Variants in GABRB2 observed in about 807,000 individuals in gnomAD.
GABRB2 encodes the protein gamma-aminobutyric acid type A receptor subunit beta2.
In GABRB2, 16 loss-of-function variants were observed where a neutral mutation model predicts 54.7. The ratio of observed to expected loss-of-function variants is 0.29; its 90% confidence interval spans 0.20 to 0.44. GABRB2 has a LOEUF of 0.44. GABRB2 is among the 20% of genes least tolerant of loss of function. The probability of loss-of-function intolerance (pLI) is 1.00; values close to 1 mark genes in which losing one functional copy is unlikely to be tolerated. For missense variants in GABRB2, 355 were observed against 644.0 expected (o/e 0.55, Z 4.86); for synonymous variants, 244 against 233.8 (o/e 1.04, Z -0.40).
intron 3 of GABRB2, among the ~76,000 whole-genome samples, chr5:161,467,980 T>C (rs1758326589): frequency 6.6e-6 from 1 of 152,118 alleles, no homozygotes; most frequent in Non-Finnish European, 1.5e-5. Flanking sequence ...TCTTTGCATT[T>C]GCATGCTTTG....
At chr5:161,369,108 TTCTTA>T (rs1234578081) in intron 5 of GABRB2, among the ~76,000 whole-genome samples, 3 of 152,220 alleles carry the variant, frequency 2.0e-5, no homozygotes, top group Non-Finnish European at 2.9e-5. Flanking sequence ...ACCCTGGAGC[TTCTTA>T]TCTTTGAATT....
At chr5:161,372,023 C>T (rs762715174) in intron 5 of GABRB2, among the ~76,000 whole-genome samples, 1 of 152,096 alleles carries the variant, frequency 6.6e-6, no homozygotes, top group Non-Finnish European at 1.5e-5. Context: ...TGTCACTGCA[C>T]CTGTCCATAA....
intron 5 of GABRB2, among the ~76,000 whole-genome samples, chr5:161,358,084 T>C (rs893568078): frequency 2.0e-5 from 3 of 152,166 alleles, no homozygotes; most frequent in Non-Finnish European, 4.4e-5. Context: ...AGCCCTGATG[T>C]CTTGTATTAA....
At chr5:161,533,128 T>C (rs893147410) in intron 3 of GABRB2, among the ~76,000 whole-genome samples, 7 of 152,100 alleles carry the variant, frequency 4.6e-5, no homozygotes, top group African/African-American at 1.4e-4. Flanking sequence ...CCAAAGTGTA[T>C]AGCAAGAAAA....
intron 5 of GABRB2, among the ~76,000 whole-genome samples, chr5:161,378,339 TA>T (rs1561628748): frequency 6.6e-6 from 1 of 152,138 alleles, no homozygotes; most frequent in Non-Finnish European, 1.5e-5. Flanking sequence ...TATCCAGTCT[TA>T]AGTATACTGA....
At chr5:161,538,399 C>T (rs1021940584) in intron 3 of GABRB2, among the ~76,000 whole-genome samples, 2 of 152,134 alleles carry the variant, frequency 1.3e-5, no homozygotes, top group African/African-American at 2.4e-5. Context: ...ACAAAATCAA[C>T]AAGTGACGAA....
intron 9 of GABRB2, among the ~76,000 whole-genome samples, chr5:161,318,196 AAG>A (rs1189132004): frequency 1.3e-5 from 2 of 151,968 alleles, no homozygotes; most frequent in Admixed American, 6.6e-5. Flanking sequence ...TAAGATTGGT[AAG>A]AGAGAGAGAA....
chr5:161,339,209 A>C (rs1187025772), intron 5 of GABRB2, among the ~76,000 whole-genome samples: 1 of 152,170 alleles, frequency 6.6e-6, no homozygotes. Flanking sequence ...AACATGAAAA[A>C]GGTTATTTAT....
intron 4 of GABRB2, among the ~76,000 whole-genome samples, chr5:161,429,356 A>AAAAAAAAAAAAAAAAAG: frequency 6.8e-6 from 1 of 147,784 alleles, no homozygotes. Context: ...AAAAAAAAAA[A>AAAAAAAAAAAAAAAAAG]AAGAAAAAGA....
At chr5:161,369,768 C>T (rs552576850) in intron 5 of GABRB2, among the ~76,000 whole-genome samples, 1 of 152,230 alleles carries the variant, frequency 6.6e-6, no homozygotes, top group South Asian at 2.1e-4. Context: ...GACCTGAAAT[C>T]TTTCATACAA....
chr5:161,398,671 T>G (rs1410590742), intron 5 of GABRB2, among the ~76,000 whole-genome samples: 2 of 101,894 alleles, frequency 2.0e-5, no homozygotes, highest in African/African-American at 1.2e-4. Flanking sequence ...TGTTTGTCTG[T>G]TTTTTTTGTT....
intron 5 of GABRB2, among the ~76,000 whole-genome samples, chr5:161,351,134 T>G (rs1403048973): frequency 6.6e-6 from 1 of 152,152 alleles, no homozygotes; most frequent in East Asian, 1.9e-4. Flanking sequence ...ATGTTCATAT[T>G]ACACATTAAA....
chr5:161,507,203 T>C (rs2962422), intron 3 of GABRB2, among the ~76,000 whole-genome samples: 1 of 151,958 alleles, frequency 6.6e-6, no homozygotes, highest in Non-Finnish European at 1.5e-5. Flanking sequence ...CAAACAAATG[T>C]AATGTAGTAT....
intron 4 of GABRB2, among the ~76,000 whole-genome samples, chr5:161,453,711 C>A (rs139146131): frequency 6.6e-6 from 1 of 151,992 alleles, no homozygotes; most frequent in African/African-American, 2.4e-5. Flanking sequence ...TCTTTGGTCA[C>A]AAACTGCAAT....
intron 5 of GABRB2, among the ~76,000 whole-genome samples, chr5:161,349,551 T>C (rs1013827282): frequency 5.9e-5 from 9 of 152,092 alleles, no homozygotes; most frequent in African/African-American, 1.7e-4. Flanking sequence ...AAAAACAGAA[T>C]ACAAGAGAGG....
intron 3 of GABRB2, among the ~76,000 whole-genome samples, chr5:161,471,713 C>T (rs753262911): frequency 6.6e-6 from 1 of 151,944 alleles, no homozygotes; most frequent in Non-Finnish European, 1.5e-5. Flanking sequence ...CTATCTCTGA[C>T]CCTTATCTTA....
chr5:161,345,331 C>CA (rs1356920541), intron 5 of GABRB2, among the ~76,000 whole-genome samples: 1 of 151,838 alleles, frequency 6.6e-6, no homozygotes, highest in Non-Finnish European at 1.5e-5. Flanking sequence ...AATAAAAAAA[C>CA]AAAAACATAG....
At chr5:161,519,763 A>G (rs1165988676) in intron 3 of GABRB2, among the ~76,000 whole-genome samples, 1 of 152,160 alleles carries the variant, frequency 6.6e-6, no homozygotes, top group African/African-American at 2.4e-5. Context: ...TAAGAAGACA[A>G]CAAATTTGAT....
intron 4 of GABRB2, among the ~76,000 whole-genome samples, chr5:161,445,954 T>C (rs1204252091): frequency 6.6e-6 from 1 of 152,150 alleles, no homozygotes; most frequent in Admixed American, 6.6e-5. Flanking sequence ...TCTTCAAATA[T>C]TTCACAGAGT....
Sources: gnomAD v4.1 joint callset for allele counts (sites outside exome capture counted in the v4.1 genomes callset) on GRCh38, gnomAD v4.1.1 for gene constraint, MANE v1.5 for transcripts, NCBI Gene and HGNC (gene_info 2026-07-23, HGNC 2026-07-21) for gene names.